TOM1L1: variants seen among roughly 807,000 people sequenced by gnomAD.
TOM1L1 encodes the protein TOM1-like protein 1.
A neutral mutation model predicts 63.4 loss-of-function variants in TOM1L1; 64 were observed. That is an observed-to-expected ratio of 1.01 (90% CI 0.83 to 1.24). The LOEUF (loss-of-function observed/expected upper bound fraction) is 1.24. Among genes scored for constraint, TOM1L1 ranks in the 50% most tolerant of loss-of-function variants. TOM1L1 has a pLI of 0.00. For missense variants in TOM1L1, 536 were observed against 567.0 expected (o/e 0.95, Z 0.55); for synonymous variants, 166 against 194.4 (o/e 0.85, Z 1.22).
rs1484858289 is a variant in TOM1L1, at chr17:54,914,735, C to T, written c.595C>T (p.Pro199Ser). ...AAAGAACTCGACTGTTACATTGGTC[C>T]CAGAACAGGTAACAACAACAATCAT... Reference protein sequence around the residue: ...APKNSTVTLVPEQIGKLHSEL... With the variant: ...APKNSTVTLVSEQIGKLHSEL... Residue 199 changes from proline to serine, a missense_variant, in exon 6 of 16, where the codon CCA (proline) becomes TCA (serine). Pro to Ser is a moderately conservative substitution (Grantham distance 74, BLOSUM62 -1). Coordinates refer to ENST00000575882, the MANE Select transcript of TOM1L1 (RefSeq NM_005486.3). 1.2e-6 allele frequency: 2 copies of T among 1,608,046 alleles called. No individual in the cohort carries two copies. Among genetic ancestry groups the T allele is most frequent in the Non-Finnish European group, 1.7e-6 (2 of 1,174,864 alleles).
Position 54,930,215 on chromosome 17 carries a change from ATCATGTACCCTCTTTACCCC to A in TOM1L1, c.854+12_854+31del, listed in dbSNP as rs1477447243. 1 of 1,613,924 alleles carries A rather than the reference ATCATGTACCCTCTTTACCCC, an allele frequency of 6.2e-7. No homozygotes were observed. The highest frequency in any genetic ancestry group is 1.3e-5 in the African/African-American group (1 of 74,932). ...ATCCTTGGATATGAGAGGTGAGCAGATCATGTACCCTCTTTACCCCTCTTCCATTTCTACTTTCACCACCA... is the reference window on the plus strand; with the variant it reads ...ATCCTTGGATATGAGAGGTGAGCAGATCTTCCATTTCTACTTTCACCACCA... On this transcript the variant is annotated intron_variant, in intron 8 of 15. Transcript: ENST00000575882.
At chr17:54,929,049 G>A (rs937570971) in intron 7 of TOM1L1, among the ~76,000 whole-genome samples, 3 of 152,186 alleles carry the variant, frequency 2.0e-5, no homozygotes, top group Non-Finnish European at 4.4e-5. Context: ...GTCAGCCGAT[G>A]TGATTGTGCA....
chr17:54,909,386 A>C (rs1002166324), intron 3 of TOM1L1, among the ~76,000 whole-genome samples: 4 of 152,192 alleles, frequency 2.6e-5, no homozygotes, highest in Non-Finnish European at 5.9e-5. Flanking sequence ...ACCTTGGTGT[A>C]GGCACTATTC....
chr17:54,944,162 A>C (rs966806204), intron 11 of TOM1L1, among the ~76,000 whole-genome samples: 5 of 151,954 alleles, frequency 3.3e-5, no homozygotes, highest in Non-Finnish European at 5.9e-5. Context: ...AGAATTCAAG[A>C]AGTGGCCGGG....
chr17:54,933,349 G>A (rs1163956245), intron 8 of TOM1L1, among the ~76,000 whole-genome samples: 2 of 152,118 alleles, frequency 1.3e-5, no homozygotes, highest in Non-Finnish European at 2.9e-5. Flanking sequence ...CATCTGTACA[G>A]TCCCAGATAA....
chr17:54,957,912 C>T (rs1044371631), intron 14 of TOM1L1: 17 of 152,182 alleles, frequency 1.1e-4, no homozygotes, highest in African/African-American at 4.1e-4. Flanking sequence ...CCACCAAATA[C>T]ATGTTTACAA....
At chr17:54,920,561 C>T (rs531311675) in intron 7 of TOM1L1, among the ~76,000 whole-genome samples, 3 of 152,196 alleles carry the variant, frequency 2.0e-5, no homozygotes, top group Non-Finnish European at 4.4e-5. Flanking sequence ...GAGCTCACAG[C>T]CCCACCCAGG....
At chr17:54,917,292 G>T (rs2048606556) in intron 7 of TOM1L1, 1 of 152,032 alleles carries the variant, frequency 6.6e-6, no homozygotes, top group Non-Finnish European at 1.5e-5. Context: ...GAAACTTCCA[G>T]TTGGATTCAT....
Position 54,929,899 on chromosome 17 carries a change from T to A in TOM1L1, c.721-174T>A, listed in dbSNP as rs368265550. 3.9e-5 allele frequency among the ~76,000 whole-genome samples: 6 copies of A among 152,346 alleles called. 1 individual carries two copies. The highest frequency in any genetic ancestry group is 1.4e-4 in the African/African-American group (6 of 41,578). On this transcript the variant is annotated intron_variant, in intron 7 of 15. Coordinates refer to ENST00000575882, the MANE Select transcript of TOM1L1 (RefSeq NM_005486.3). ...TTTAAAGGAAAATATAATCAGTTTA[T>A]GACTCACTGCCTTCCAATAGGAAGG...
At chr17:54,905,410 A>T in intron 2 of TOM1L1, 79 bp from the exon 3 acceptor site, 1 of 961,096 alleles carries the variant, frequency 1.0e-6, no homozygotes, top group Non-Finnish European at 1.7e-6. Flanking sequence ...CCTCTCTCCA[A>T]ATGCATGTTG....
chr17:54,930,478 G>T (rs1428687735), intron 8 of TOM1L1: 9 of 314,014 alleles, frequency 2.9e-5, no homozygotes, highest in South Asian at 1.8e-4. Flanking sequence ...GCCGAGGCAG[G>T]AGGATCACTT....
intron 7 of TOM1L1, 74 bp from the exon 8 acceptor site, chr17:54,929,999 C>A: frequency 6.3e-7 from 1 of 1,590,784 alleles, no homozygotes; most frequent in Admixed American, 1.7e-5. Context: ...TAGGTATGCG[C>A]AGATTGGTGA....
intron 14 of TOM1L1, chr17:54,952,252 A>C (rs1216892725): frequency 1.3e-5 from 2 of 152,114 alleles, no homozygotes; most frequent in Non-Finnish European, 2.9e-5. Flanking sequence ...TCTCAAACAG[A>C]ATTAGAAGTA....
At chr17:54,914,803 A>T in intron 6 of TOM1L1, 60 bp downstream of exon 6, 1 of 1,345,588 alleles carries the variant, frequency 7.4e-7, no homozygotes, top group Non-Finnish European at 1.1e-6. Flanking sequence ...AGCACCTTAT[A>T]TACAGTTTGT....
chr17:54,914,847 A>G (rs1430370006), intron 6 of TOM1L1, 104 bp downstream of exon 6: 2 of 882,570 alleles, frequency 2.3e-6, no homozygotes, highest in African/African-American at 1.6e-5. Context: ...ATGTAGGTAC[A>G]CTCATTTCAC....
At chr17:54,942,946 A>G (rs1011022121) in intron 11 of TOM1L1, among the ~76,000 whole-genome samples, 1 of 152,212 alleles carries the variant, frequency 6.6e-6, no homozygotes, top group African/African-American at 2.4e-5. Flanking sequence ...TCATCTTTCT[A>G]GAAGAGATTG....
rs372934741 is a variant in TOM1L1 at position 54,915,807 on chromosome 17, T to C, written c.665T>C (p.Ile222Thr). ...ATGAATGTGCGAGTGATGTCCGCCA[T>C]ATTGATGGAGAATACTCCTGGGTCT... ...VKMNVRVMSA[I>T]LMENTPGSEN... Residue 222 changes from isoleucine (I) to threonine (T), a missense_variant, in exon 7 of 16, where the codon ATA becomes ACA. Physicochemically the swap from Ile to Thr is moderately conservative, Grantham distance 89 (BLOSUM62 -1). Coordinates refer to ENST00000575882, the MANE Select transcript of TOM1L1 (RefSeq NM_005486.3). 36 of 1,613,656 alleles carry C rather than the reference T, an allele frequency of 2.2e-5. No homozygotes were observed. Among genetic ancestry groups the C allele is most frequent in the Non-Finnish European group, 3.1e-5 (36 of 1,179,854 alleles).
chr17:54,947,313 G>A lies in TOM1L1; in HGVS notation c.1182+1G>A. 3.1e-6 allele frequency: 5 copies of A among 1,614,076 alleles called. No homozygotes were observed. Among genetic ancestry groups the A allele is most frequent in the Non-Finnish European group, 4.2e-6 (5 of 1,179,958 alleles). On this transcript the variant is annotated splice_donor_variant, in intron 12 of 15. Transcript: ENST00000575882. LOFTEE classifies it high-confidence loss of function. ...CACCTCAAGCCACGCATATGATAAT[G>A]TAAGTAACAAAACTCTTTTCTAGCA... is the stretch of plus-strand genomic sequence containing the variant.
intron 1 of TOM1L1, 116 bp from the exon 2 acceptor site, chr17:54,903,592 C>T (rs965166596): frequency 9.1e-5 from 83 of 911,918 alleles, no homozygotes; most frequent in Non-Finnish European, 1.4e-4. Flanking sequence ...ATCACTTTGC[C>T]CTTTGGCAAT....
Sources: gnomAD v4.1 joint callset for allele counts (sites outside exome capture counted in the v4.1 genomes callset) on GRCh38, gnomAD v4.1.1 for gene constraint, MANE v1.5 for transcripts, NCBI Gene and HGNC (gene_info 2026-07-23, HGNC 2026-07-21) for gene names.